The following PLCH1 variants were observed in gnomAD, a reference collection of about 807,000 sequenced individuals.
The protein encoded by PLCH1 is 1-phosphatidylinositol 4,5-bisphosphate phosphodiesterase eta-1.
In PLCH1, 60 loss-of-function variants were observed where a neutral mutation model predicts 126.7. The ratio of observed to expected loss-of-function variants is 0.47; its 90% CI spans 0.38 to 0.59. The LOEUF (loss-of-function observed/expected upper bound fraction) is 0.59, where lower values mean the gene tolerates loss of function less well. PLCH1 is among the 20% of genes least tolerant of loss of function. The probability of loss-of-function intolerance (pLI) is 0.00; values close to 1 mark genes in which losing one functional copy is unlikely to be tolerated. For missense variants in PLCH1, 1,723 were observed against 2,040.0 expected, an observed-to-expected ratio of 0.84 and a Z score of 2.99; for synonymous variants, 719 against 734.9, an observed-to-expected ratio of 0.98 and a Z score of 0.35.
At chr3:155,630,722 A>G in intron 2 of PLCH1, among the ~76,000 whole-genome samples, 1 of 152,194 alleles carries the variant, frequency 6.6e-6, no homozygotes, top group Non-Finnish European at 1.5e-5. Flanking sequence ...TTTATACAAA[A>G]ATGGTGGCAA....
At chr3:155,722,358 C>T (rs561209976) in intron 1 of PLCH1, among the ~76,000 whole-genome samples, 4 of 152,062 alleles carry the variant, frequency 2.6e-5, no homozygotes, top group Non-Finnish European at 5.9e-5. Flanking sequence ...GACGGGATTT[C>T]TCCATGTTGG....
chr3:155,521,265 C>T (rs1441421252), intron 11 of PLCH1, among the ~76,000 whole-genome samples: 1 of 152,132 alleles, frequency 6.6e-6, no homozygotes, highest in Non-Finnish European at 1.5e-5. Flanking sequence ...TGTCTTATTT[C>T]TTGTCTATCC....
At chr3:155,598,874 G>A (rs558523592) in intron 2 of PLCH1, among the ~76,000 whole-genome samples, 212 of 152,168 alleles carry the variant, frequency 1.4e-3, no homozygotes, top group African/African-American at 4.9e-3. Context: ...GTGTATTTAC[G>A]TCCCCAAAGA....
chr3:155,501,584 C>T (rs903694672), intron 13 of PLCH1, among the ~76,000 whole-genome samples: 19 of 151,894 alleles, frequency 1.3e-4, no homozygotes, highest in African/African-American at 4.6e-4. Flanking sequence ...CCTGAGGTCA[C>T]AAGTTCAAGA....
At chr3:155,585,970 G>A in intron 5 of PLCH1, 95 bp downstream of exon 5, 1 of 1,034,316 alleles carries the variant, frequency 9.7e-7, no homozygotes, top group East Asian at 2.4e-5. Context: ...ACATATATTA[G>A]CTTCCAACAA....
chr3:155,690,805 G>A (rs358913), intron 2 of PLCH1, among the ~76,000 whole-genome samples: 59,741 of 151,980 alleles, frequency 0.39, 12,237 homozygotes, highest in East Asian at 0.54. Context: ...ACCCAAGCCC[G>A]GTGGTCTCCT....
At chr3:155,712,123 G>A (rs1341508535) in intron 1 of PLCH1, among the ~76,000 whole-genome samples, 4 of 152,158 alleles carry the variant, frequency 2.6e-5, no homozygotes, top group East Asian at 3.8e-4. Context: ...GATGAAATAC[G>A]TCAGCATAGC....
At chr3:155,543,212 A>G (rs1220547067) in intron 10 of PLCH1, among the ~76,000 whole-genome samples, 1 of 152,244 alleles carries the variant, frequency 6.6e-6, no homozygotes. Context: ...TGGAGCTGAA[A>G]GCCAAGGCTC....
chr3:155,454,408 A>G (rs1712388993), intron 21 of PLCH1, among the ~76,000 whole-genome samples: 1 of 152,156 alleles, frequency 6.6e-6, no homozygotes, highest in South Asian at 2.1e-4. Flanking sequence ...ATTAGATCCC[A>G]GGAGGTCTAG....
intron 11 of PLCH1, among the ~76,000 whole-genome samples, chr3:155,519,993 G>A (rs188997462): frequency 1.3e-5 from 2 of 152,196 alleles, no homozygotes; most frequent in Admixed American, 6.5e-5. Context: ...GTTTACTCCT[G>A]TCCTCTACCA....
intron 7 of PLCH1, among the ~76,000 whole-genome samples, chr3:155,567,542 C>G (rs974527494): frequency 1.3e-5 from 2 of 152,176 alleles, no homozygotes; most frequent in African/African-American, 4.8e-5. Context: ...CTCTTATAGG[C>G]AGCTGGTCTT....
At chr3:155,534,681 A>G (rs1723121265) in intron 10 of PLCH1, among the ~76,000 whole-genome samples, 2 of 152,190 alleles carry the variant, frequency 1.3e-5, no homozygotes, top group South Asian at 4.1e-4. Context: ...ATCATCTTGA[A>G]TCATAATCCT....
At chr3:155,727,473 C>G (rs999564699) in intron 1 of PLCH1, among the ~76,000 whole-genome samples, 1 of 151,540 alleles carries the variant, frequency 6.6e-6, no homozygotes, top group Non-Finnish European at 1.5e-5. Context: ...CTGCAACCTC[C>G]CCCTCCTGGG....
intron 5 of PLCH1, 109 bp downstream of exon 5, chr3:155,585,956 G>A: frequency 3.5e-6 from 3 of 845,990 alleles, no homozygotes; most frequent in Admixed American, 4.2e-5. Context: ...AAACAGTACA[G>A]AGCACATATA....
chr3:155,742,879 C>A, intron 1 of PLCH1: 1 of 157,016 alleles, frequency 6.4e-6, no homozygotes, highest in Non-Finnish European at 1.4e-5. Context: ...AAACATCTAC[C>A]ACAAATAAAC....
intron 2 of PLCH1, among the ~76,000 whole-genome samples, chr3:155,702,357 G>A (rs1746343416): frequency 6.6e-6 from 1 of 151,914 alleles, no homozygotes; most frequent in Non-Finnish European, 1.5e-5. Flanking sequence ...AATTAAAACG[G>A]AGATGGCAGC....
chr3:155,490,958 T>C (rs1186735231), intron 18 of PLCH1, 90 bp from the exon 19 acceptor site: 2 of 708,626 alleles, frequency 2.8e-6, no homozygotes, highest in Non-Finnish European at 2.4e-6. Flanking sequence ...ATGTCTACAT[T>C]TCGACAGCAA....
chr3:155,531,379 CT>C (rs1243277691), intron 10 of PLCH1, among the ~76,000 whole-genome samples: 1 of 152,184 alleles, frequency 6.6e-6, no homozygotes, highest in Non-Finnish European at 1.5e-5. Flanking sequence ...AATCCCAGCA[CT>C]TTGGGAGGCC....
At chr3:155,676,039 T>C (rs1261232845) in intron 2 of PLCH1, 2 of 1,536,318 alleles carry the variant, frequency 1.3e-6, no homozygotes, top group Non-Finnish European at 8.8e-7. Context: ...AGGTCTGCCA[T>C]TAAATTTAAT....
Sources: gnomAD v4.1 joint callset for allele counts (sites outside exome capture counted in the v4.1 genomes callset) on GRCh38, gnomAD v4.1.1 for gene constraint, MANE v1.5 for transcripts, NCBI Gene and HGNC (gene_info 2026-07-23, HGNC 2026-07-21) for gene names.